The following OTUD7A variants were observed in gnomAD, a reference collection of about 807,000 sequenced individuals.
OTUD7A encodes OTU domain-containing protein 7A.
Under a neutral mutation model 65.7 loss-of-function variants are expected in OTUD7A, and 12 were observed. The observed-to-expected ratio is 0.18, with a 90% confidence interval of 0.12 to 0.30. OTUD7A has a LOEUF of 0.30. Ranked by LOEUF, OTUD7A falls within the 10% of genes least tolerant of loss-of-function variation. The pLI, the probability that OTUD7A is intolerant of heterozygous loss-of-function variation, is 1.00. For missense variants in OTUD7A, 1,148 were observed against 1,304.8 expected (o/e 0.88, Z 1.85); for synonymous variants, 641 against 586.3 (o/e 1.09, Z -1.35).
At chr15:31,768,655 A>G (rs1895151054) in intron 1 of OTUD7A, among the ~76,000 whole-genome samples, 1 of 151,198 alleles carries the variant, frequency 6.6e-6, no homozygotes, top group African/African-American at 2.4e-5. Context: ...ACCCCATCAC[A>G]AAGAAAAAAA....
intron 5 of OTUD7A, 68 bp from the exon 6 acceptor site, chr15:31,530,876 G>C (rs1196792494): frequency 3.0e-6 from 4 of 1,331,754 alleles, no homozygotes; most frequent in Non-Finnish European, 4.2e-6. Flanking sequence ...TGTTTGCTAA[G>C]GAGGCATAAA....
At position 31,527,287 on chromosome 15, in the gene OTUD7A, C is replaced by T. The variant is rs2042028189; in HGVS notation, c.674G>A (p.Arg225Gln). Residue 225 changes from arginine (R) to glutamine (Q), a missense_variant, in exon 7 of 13, where the codon CGG becomes CAG. Arg to Gln is a conservative substitution (Grantham distance 43). Transcript: ENST00000307050. ...GAGAGCTTTCCGTAACACCAGGTCC[C>T]GGTCGTGAAACCCCCACATTCCTGG... is the stretch of plus-strand genomic sequence containing the variant. The part of the protein sequence containing the change: ...ASLGMWGFHD[R>Q]DLVLRKALYT... 2.5e-6 allele frequency: 4 copies of T among 1,614,110 alleles called. No homozygotes were observed. The highest frequency in any genetic ancestry group is 2.5e-6 in the Non-Finnish European group (3 of 1,179,996).
At chr15:31,514,958 A>G (rs565876512) in intron 8 of OTUD7A, among the ~76,000 whole-genome samples, 2 of 152,370 alleles carry the variant, frequency 1.3e-5, no homozygotes, top group South Asian at 4.1e-4. Context: ...TAGCCTGCCC[A>G]GCCACACCTG....
In OTUD7A at chr15:31,483,817, C is replaced by A. The variant is rs2041180031; in HGVS notation, c.2279G>T (p.Ser760Ile). The A allele has an allele frequency of 1.0e-6, 1 of 995,762 alleles. No individual in the cohort carries two copies. The highest frequency in any genetic ancestry group is 6.1e-5 in the Admixed American group (1 of 16,422). The allele number at this position is 995,762 out of a possible 1,614,324, so 61.7% of individuals were successfully genotyped here. A position where few individuals can be genotyped will look rare whatever the true frequency, so the allele number is the denominator to read the frequency against. The change falls in exon 13 of 13, where the codon AGC becomes ATC. Residue 760 changes from serine (S) to isoleucine (I), a missense_variant. By Grantham distance (142) the Ser-to-Ile change is moderately radical. Transcript: ENST00000307050. ...ASPGGGARRA[S>I]ASGPVPGRSP... ...GCGGCCAGGCACTGGTCCGCTGGCG[C>A]TCGCACGCCGCGCGCCTCCCCCCGG...
At chr15:31,504,028 G>A (rs376760041) in intron 8 of OTUD7A, among the ~76,000 whole-genome samples, 8 of 152,206 alleles carry the variant, frequency 5.3e-5, no homozygotes, top group East Asian at 1.9e-4. Flanking sequence ...CCGTGGGAGC[G>A]GTCTCAGAAG....
chr15:31,595,632 A>G (rs1889881638), intron 3 of OTUD7A, among the ~76,000 whole-genome samples: 1 of 152,168 alleles, frequency 6.6e-6, no homozygotes, highest in Non-Finnish European at 1.5e-5. Flanking sequence ...AACAGTGCAA[A>G]TTTACTATCT....
Position 31,496,159 on chromosome 15 carries a change from A to G in OTUD7A, c.1171+5531T>C, listed in dbSNP as rs527434113. Among the ~76,000 whole-genome samples, 12 of 152,012 alleles carry G rather than the reference A, an allele frequency of 7.9e-5. No individual in the cohort carries two copies. The South Asian group carries it at 2.5e-3, about 32-fold the overall frequency. On this transcript the variant is annotated intron_variant, in intron 10 of 12. Coordinates refer to ENST00000307050, the MANE Select transcript of OTUD7A (RefSeq NM_001382637.1). ...TAATGTCTTGTAATAGGCATTACATACTTCCTCCATTATTTTATTCAGATA... is the reference window on the plus strand; with the variant it reads ...TAATGTCTTGTAATAGGCATTACATGCTTCCTCCATTATTTTATTCAGATA...
intron 5 of OTUD7A, among the ~76,000 whole-genome samples, chr15:31,546,928 A>G (rs983716908): frequency 1.7e-4 from 26 of 152,242 alleles, no homozygotes; most frequent in Admixed American, 1.3e-3. Context: ...AACCTATGCT[A>G]TAAGAAGTCA....
At chr15:31,604,964 C>T (rs1036768089) in intron 3 of OTUD7A, among the ~76,000 whole-genome samples, 6 of 152,196 alleles carry the variant, frequency 3.9e-5, no homozygotes, top group Admixed American at 2.0e-4. Flanking sequence ...GCAAGAGGCA[C>T]GACGAGCAGA....
chr15:31,774,975 G>GT (rs1895335713), intron 1 of OTUD7A, among the ~76,000 whole-genome samples: 1 of 5,646 alleles, frequency 1.8e-4, no homozygotes, highest in African/African-American at 3.1e-4. Flanking sequence ...TGAAAAGATA[G>GT]TTAAAAAAAA....
chr15:31,661,678 A>T lies in OTUD7A; in HGVS notation c.-99-4601T>A, dbSNP rs371446210. Reference sequence around the variant, plus strand: ...CCACAACTACTTCCATCTCTCTCTAAGACTCTTTAAAACATAACCACAGTA... The same window carrying T: ...CCACAACTACTTCCATCTCTCTCTATGACTCTTTAAAACATAACCACAGTA... On this transcript the variant is annotated intron_variant, in intron 1 of 12. Coordinates refer to ENST00000307050, the MANE Select transcript of OTUD7A (RefSeq NM_001382637.1). Among the ~76,000 whole-genome samples, 444 of 152,310 alleles carry T rather than the reference A, an allele frequency of 2.9e-3. 5 individuals carry two copies. The highest frequency in any genetic ancestry group is 0.01 in the African/African-American group (430 of 41,568).
chr15:31,863,536 G>T (rs1897799308), intron 1 of OTUD7A, among the ~76,000 whole-genome samples: 1 of 152,188 alleles, frequency 6.6e-6, no homozygotes, highest in South Asian at 2.1e-4. Context: ...AAGGTTTGAG[G>T]CTTCCACCCT....
chr15:31,867,517 C>T (rs1439604328), intron 1 of OTUD7A, among the ~76,000 whole-genome samples: 1 of 152,094 alleles, frequency 6.6e-6, no homozygotes, highest in Non-Finnish European at 1.5e-5. Context: ...TCAAATAGGC[C>T]CCTCTGGGAA....
intron 10 of OTUD7A, among the ~76,000 whole-genome samples, chr15:31,499,674 T>C (rs2141078956): frequency 6.6e-6 from 1 of 152,322 alleles, no homozygotes; most frequent in Non-Finnish European, 1.5e-5. Context: ...CTGCAGTGGG[T>C]CGTGGGGACC....
chr15:31,502,839 C>T (rs945141911), intron 9 of OTUD7A, among the ~76,000 whole-genome samples: 1 of 152,232 alleles, frequency 6.6e-6, no homozygotes, highest in African/African-American at 2.4e-5. Flanking sequence ...GTGGGCCAGG[C>T]AGGACCTGTG....
At chr15:31,588,869 C>T (rs1889628819) in intron 3 of OTUD7A, among the ~76,000 whole-genome samples, 1 of 152,236 alleles carries the variant, frequency 6.6e-6, no homozygotes, top group Non-Finnish European at 1.5e-5. Flanking sequence ...GATTGCTACT[C>T]AGAGGGGAGG....
intron 6 of OTUD7A, among the ~76,000 whole-genome samples, chr15:31,530,357 T>C (rs914220859): frequency 6.6e-6 from 1 of 152,216 alleles, no homozygotes; most frequent in African/African-American, 2.4e-5. Context: ...TGCCCTCTTC[T>C]AGTCTCTCAA....
At chr15:31,708,246 G>A (rs1893352435) in intron 1 of OTUD7A, among the ~76,000 whole-genome samples, 1 of 152,166 alleles carries the variant, frequency 6.6e-6, no homozygotes, top group South Asian at 2.1e-4. Context: ...TGGTAAAGAT[G>A]TGGGGAAACA....
At chr15:31,503,009 C>T (rs1335352487) in intron 9 of OTUD7A, among the ~76,000 whole-genome samples, 2 of 152,246 alleles carry the variant, frequency 1.3e-5, no homozygotes, top group Non-Finnish European at 2.9e-5. Context: ...GGCAGCTGCA[C>T]GCTGGAGGGA....
Sources: allele counts gnomAD v4.1 joint callset (sites outside exome capture counted in the v4.1 genomes callset), GRCh38; gene constraint gnomAD v4.1.1; transcripts MANE v1.5; gene names NCBI Gene and HGNC (gene_info 2026-07-23, HGNC 2026-07-21).